Variants in NAV1 observed in about 807,000 individuals in gnomAD.
NAV1 encodes pore membrane and/or filament interacting like protein 3.
NAV1 carries 18 observed loss-of-function variants against 175.2 expected under a neutral mutation model. That is an observed-to-expected ratio of 0.10 (90% CI 0.07 to 0.15). The LOEUF is 0.15. Ranked by LOEUF, NAV1 falls within the 10% of genes least tolerant of loss-of-function variation. The pLI is 1.00. For synonymous variants in NAV1, 897 were observed against 978.7 expected, an observed-to-expected ratio of 0.92 and a Z score of 1.56; for missense variants, 1,731 against 2,436.6, an observed-to-expected ratio of 0.71 and a Z score of 6.10.
chr1:201,811,886 C>T lies in NAV1; in HGVS notation c.4953-17C>T. ...AAGGCAAGTCTAAGTGAATCTTTTTCCCCTTTCTCCCTACAGTCCCTATAT... is the reference window on the plus strand; with the variant it reads ...AAGGCAAGTCTAAGTGAATCTTTTTTCCCTTTCTCCCTACAGTCCCTATAT... On this transcript the variant is annotated splice_polypyrimidine_tract_variant and intron_variant, in intron 25 of 29. Coordinates refer to ENST00000367296, the Ensembl canonical transcript of NAV1. 2 of 1,613,872 alleles carry T rather than the reference C, an allele frequency of 1.2e-6. No individual in the cohort carries two copies. Among genetic ancestry groups the T allele is most frequent in the Non-Finnish European group, 1.7e-6 (2 of 1,179,768 alleles).
chr1:201,790,661 G>C, intron 12 of NAV1, 28 bp from the exon 17 acceptor site: 1 of 1,613,974 alleles, frequency 6.2e-7, no homozygotes, highest in South Asian at 1.1e-5. Flanking sequence ...TCTGCAGCCA[G>C]TAGTTTGTAT....
Position 201,808,380 on chromosome 1 carries a change from T to A in NAV1, c.3846-38T>A, listed in dbSNP as rs1678448152. On this transcript the variant is annotated intron_variant, in intron 18 of 29. Coordinates refer to ENST00000367296, the Ensembl canonical transcript of NAV1. The surrounding 1 kb of genome is among the most constrained non-coding windows in gnomAD (Gnocchi z 5.5). Reference sequence around the variant, plus strand: ...AATATTCTCTAGTAACTCTAGTGCTTCTTCATGTAGCCTGGCTTGACTCTT... The same window carrying A: ...AATATTCTCTAGTAACTCTAGTGCTACTTCATGTAGCCTGGCTTGACTCTT... The A allele has an allele frequency of 6.3e-7, 1 of 1,579,476 alleles. No homozygotes were observed. Among genetic ancestry groups the A allele is most frequent in the Non-Finnish European group, 8.6e-7 (1 of 1,163,264 alleles).
At chr1:201,714,166 C>G (rs545332913) in intron 2 of NAV1, among the ~76,000 whole-genome samples, 2 of 152,328 alleles carry the variant, frequency 1.3e-5, no homozygotes, top group East Asian at 3.9e-4. Context: ...ACGCCTTGGC[C>G]TCCCAAAGTG....
intron 1 of NAV1, among the ~76,000 whole-genome samples, chr1:201,568,764 A>T (rs1362921755): frequency 6.6e-6 from 1 of 152,212 alleles, no homozygotes; most frequent in Non-Finnish European, 1.5e-5. Flanking sequence ...TGTGCTCGGG[A>T]AAGAGGGCTC....
At chr1:201,683,628 C>T (rs1401097264) in intron 1 of NAV1, among the ~76,000 whole-genome samples, 2 of 152,182 alleles carry the variant, frequency 1.3e-5, no homozygotes, top group Non-Finnish European at 2.9e-5. Context: ...GTGTGGCATA[C>T]TCACCTTCTG....
chr1:201,712,433 TA>T (rs1251797781), intron 1 of NAV1, among the ~76,000 whole-genome samples: 2 of 152,162 alleles, frequency 1.3e-5, no homozygotes, highest in Non-Finnish European at 2.9e-5. Context: ...CAACCCTGGA[TA>T]GGGGGTTTCA....
chr1:201,656,606 C>G (rs1178588237), intron 1 of NAV1, among the ~76,000 whole-genome samples: 2 of 152,158 alleles, frequency 1.3e-5, no homozygotes, highest in East Asian at 3.9e-4. Context: ...GCACATGGCA[C>G]AAACCCCTAG....
chr1:201,729,039 A>C (rs1216219865), intron 3 of NAV1, among the ~76,000 whole-genome samples: 1 of 152,216 alleles, frequency 6.6e-6, no homozygotes, highest in African/African-American at 2.4e-5. Flanking sequence ...ATGGGTAAGG[A>C]TCAAGGAAGC....
chr1:201,631,002 G>T (rs1668466608), intron 2 of NAV1, among the ~76,000 whole-genome samples: 2 of 152,220 alleles, frequency 1.3e-5, no homozygotes, highest in Non-Finnish European at 2.9e-5. Context: ...CCCCAGGCTT[G>T]TCAGCTGGAA....
chr1:201,808,520 G>C lies in NAV1; in HGVS notation c.3948G>C (p.Glu1316Asp). The change falls in exon 19 of 30, where the codon GAG becomes GAC. Residue 1316 changes from glutamate (E) to aspartate (D), a missense_variant. Physicochemically the swap from Glu to Asp is conservative, Grantham distance 45. This residue lies in a region of NAV1 where 146 missense variants were observed against 176.8 expected (regional missense o/e 0.83). Transcript: ENST00000367296. The surrounding 1 kb of genome is among the most constrained non-coding windows in gnomAD (Gnocchi z 5.5). ...CGGAGCTGCGCTCTGAGCTATGGGA[G>C]AAGGAAATGAAGCTTACAGACATCC... The C allele has an allele frequency of 6.2e-7, 1 of 1,614,250 alleles. No homozygotes were observed. Among genetic ancestry groups the C allele is most frequent in the Non-Finnish European group, 8.5e-7 (1 of 1,180,050 alleles).
intron 2 of NAV1, among the ~76,000 whole-genome samples, chr1:201,715,692 C>A (rs1030871778): frequency 1.3e-4 from 20 of 152,238 alleles, no homozygotes; most frequent in African/African-American, 4.8e-4. Flanking sequence ...CACACACAAG[C>A]TTCATCCTCG....
At chr1:201,701,074 A>G (rs1348601475) in intron 1 of NAV1, among the ~76,000 whole-genome samples, 2 of 151,508 alleles carry the variant, frequency 1.3e-5, no homozygotes, top group Non-Finnish European at 2.9e-5. Context: ...ATGGAATACT[A>G]TGCAGCCATA....
chr1:201,809,107 G>A, intron 20 of NAV1, 57 bp from the exon 25 acceptor site: 6 of 1,544,484 alleles, frequency 3.9e-6, no homozygotes, highest in Non-Finnish European at 5.4e-6. Context: ...TGATGGGAAA[G>A]TTTAGGAAAG....
At chr1:201,749,079 C>T (rs1434234418) in intron 3 of NAV1, among the ~76,000 whole-genome samples, 1 of 152,052 alleles carries the variant, frequency 6.6e-6, no homozygotes, top group Non-Finnish European at 1.5e-5. Flanking sequence ...AACCGGGAGG[C>T]GGAGGTTGCA....
intron 29 of NAV1, among the ~76,000 whole-genome samples, chr1:201,818,092 T>C (rs867701628): frequency 2.3e-4 from 35 of 151,912 alleles, no homozygotes; most frequent in South Asian, 1.0e-3. Context: ...TAGCTGGGTG[T>C]GATGGCACAT....
intron 2 of NAV1, among the ~76,000 whole-genome samples, chr1:201,717,741 AC>A (rs1672196433): frequency 6.6e-6 from 1 of 152,186 alleles, no homozygotes; most frequent in Non-Finnish European, 1.5e-5. Context: ...GACCAGTCTT[AC>A]TGGGGACCTG....
chr1:201,635,940 T>G (rs771043891), intron 2 of NAV1, among the ~76,000 whole-genome samples: 11 of 152,106 alleles, frequency 7.2e-5, no homozygotes, highest in Non-Finnish European at 1.5e-4. Flanking sequence ...GCTTTAGAGG[T>G]TGTTATCCAG....
At position 201,688,101 on chromosome 1, in the gene NAV1, T is replaced by C. The variant is rs542953907; in HGVS notation, c.758-24716T>C. Among the ~76,000 whole-genome samples the C allele has an allele frequency of 2.0e-5, 3 of 152,336 alleles. No homozygotes were observed. The South Asian group carries it at 6.2e-4, about 32-fold the overall frequency. On this transcript the variant is annotated intron_variant, in intron 1 of 29. Coordinates refer to ENST00000367296, the Ensembl canonical transcript of NAV1. ...TCTTTGGCTGTGCACTCAGCCTTTGTATTACTCACGTAGCAAGGTTGTCGG... is the reference window on the plus strand; with the variant it reads ...TCTTTGGCTGTGCACTCAGCCTTTGCATTACTCACGTAGCAAGGTTGTCGG...
intron 1 of NAV1, among the ~76,000 whole-genome samples, chr1:201,690,270 C>T (rs1460082019): frequency 9.1e-6 from 1 of 110,092 alleles, no homozygotes; most frequent in Non-Finnish European, 2.0e-5. Flanking sequence ...TGTCTATTTC[C>T]TCTCTGGCCT....
Sources: allele counts gnomAD v4.1 joint callset (sites outside exome capture counted in the v4.1 genomes callset), GRCh38; gene constraint gnomAD v4.1.1; regional missense constraint gnomAD v4.1.1; non-coding constraint Gnocchi (gnomAD v3.1); transcripts MANE v1.5; gene names NCBI Gene and HGNC (gene_info 2026-07-23, HGNC 2026-07-21).